Variants in GLIPR2 observed in about 807,000 individuals in gnomAD.
The protein encoded by GLIPR2 is Golgi-associated plant pathogenesis-related protein 1.
In GLIPR2, 21 loss-of-function variants were observed where a neutral mutation model predicts 20.4. The ratio of observed to expected loss-of-function variants is 1.03; its 90% CI spans 0.73 to 1.48. GLIPR2 has a LOEUF of 1.48. Ranked by LOEUF, GLIPR2 falls within the 40% of genes most tolerant of loss-of-function variation. The pLI is 0.00. For missense variants in GLIPR2, 205 were observed against 200.1 expected, an observed-to-expected ratio of 1.02 and a Z score of -0.15; for synonymous variants, 91 against 80.5, an observed-to-expected ratio of 1.13 and a Z score of -0.70.
chr9:36,163,255 C>A lies in GLIPR2; in HGVS notation c.*733C>A. 4.4e-6 allele frequency: 1 copy of A among 228,602 alleles called. No individual in the cohort carries two copies. The highest frequency in any genetic ancestry group is 1.5e-4 in the East Asian group (1 of 6,734). The allele number at this position is 228,602 out of a possible 1,614,324, so 14.2% of individuals were successfully genotyped here. ...TTCTTAAACTTCTGGCATTTCAGAG[C>A]TCAGCAGGCTACCCCTGGTTTCTGG... On this transcript the variant is annotated 3_prime_UTR_variant, in exon 5 of 5. Coordinates refer to ENST00000377960, the MANE Select transcript of GLIPR2 (RefSeq NM_022343.4).
At chr9:36,156,146 G>A (rs561319545) in intron 4 of GLIPR2, among the ~76,000 whole-genome samples, 2 of 152,204 alleles carry the variant, frequency 1.3e-5, no homozygotes, top group Admixed American at 6.5e-5. Flanking sequence ...GGAGGCGAAG[G>A]TTTCAGTAAG....
chr9:36,154,828 G>C (rs181933503), intron 4 of GLIPR2, among the ~76,000 whole-genome samples: 9 of 152,328 alleles, frequency 5.9e-5, no homozygotes, highest in African/African-American at 2.2e-4. Context: ...TGTGCACTTT[G>C]TGTCTAATTA....
chr9:36,155,352 T>C (rs1161539638), intron 4 of GLIPR2, among the ~76,000 whole-genome samples: 1 of 152,202 alleles, frequency 6.6e-6, no homozygotes, highest in African/African-American at 2.4e-5. Context: ...CCCAGCACTT[T>C]GGGAGGCCAA....
chr9:36,160,816 C>T (rs370662808), intron 4 of GLIPR2, among the ~76,000 whole-genome samples: 46 of 152,232 alleles, frequency 3.0e-4, no homozygotes, highest in Middle Eastern at 3.4e-3. Flanking sequence ...CCGAGGTGGG[C>T]AGAGCACCTG....
chr9:36,150,993 T>G (rs753633524), intron 4 of GLIPR2, 44 bp downstream of exon 4: 15 of 1,382,414 alleles, frequency 1.1e-5, no homozygotes, highest in Non-Finnish European at 1.4e-5. Context: ...TGGGCAGCAA[T>G]GCAGGTTGGG....
chr9:36,149,313 G>A (rs1825481015), intron 3 of GLIPR2, among the ~76,000 whole-genome samples: 1 of 152,182 alleles, frequency 6.6e-6, no homozygotes, highest in Non-Finnish European at 1.5e-5. Flanking sequence ...AACACCAGTG[G>A]GAGAATGACT....
chr9:36,156,444 TTTAC>T (rs1825838364), intron 4 of GLIPR2, among the ~76,000 whole-genome samples: 5 of 139,360 alleles, frequency 3.6e-5, no homozygotes, highest in Non-Finnish European at 6.3e-5. Flanking sequence ...TAACTGAAAA[TTTAC>T]CATTTTAACC....
intron 4 of GLIPR2, among the ~76,000 whole-genome samples, chr9:36,156,035 C>T (rs1475580472): frequency 6.6e-6 from 1 of 152,030 alleles, no homozygotes; most frequent in Non-Finnish European, 1.5e-5. Context: ...CATGGTGAAA[C>T]CTTATCTCTA....
chr9:36,146,967 G>C (rs563744449), intron 1 of GLIPR2, among the ~76,000 whole-genome samples: 5 of 152,108 alleles, frequency 3.3e-5, no homozygotes, highest in African/African-American at 4.8e-5. Context: ...GGGACTCTGC[G>C]GTGGCTCTGC....
chr9:36,142,806 G>T (rs1825146619), intron 1 of GLIPR2, among the ~76,000 whole-genome samples: 1 of 152,036 alleles, frequency 6.6e-6, no homozygotes, highest in African/African-American at 2.4e-5. Context: ...TTGCCTCCCT[G>T]GGGCAGGCCC....
chr9:36,163,236 A>ATGAT lies in GLIPR2; in HGVS notation c.*714_*715insTGAT. On this transcript the variant is annotated 3_prime_UTR_variant, in exon 5 of 5. Transcript: ENST00000377960. Reference sequence around the variant, plus strand: ...TCTTGCCCCCTTCCCTCTTTTCTTAAACTTCTGGCATTTCAGAGCTCAGCA... The same window carrying ATGAT: ...TCTTGCCCCCTTCCCTCTTTTCTTAATGATACTTCTGGCATTTCAGAGCTCAGCA... 4.5e-6 allele frequency: 1 copy of ATGAT among 221,710 alleles called. No homozygotes were observed. Among genetic ancestry groups the ATGAT allele is most frequent in the East Asian group, 1.6e-4 (1 of 6,394 alleles). The allele number at this position is 221,710 out of a possible 1,614,324, so 13.7% of individuals were successfully genotyped here. A position where few individuals can be genotyped will look rare whatever the true frequency, so the allele number is the denominator to read the frequency against.
At chr9:36,139,351 C>T (rs954438835) in intron 1 of GLIPR2, among the ~76,000 whole-genome samples, 5 of 152,048 alleles carry the variant, frequency 3.3e-5, no homozygotes, top group East Asian at 1.9e-4. Context: ...GAATTCTGAC[C>T]CAGGCCTTTC....
intron 1 of GLIPR2, among the ~76,000 whole-genome samples, chr9:36,139,928 A>G (rs1416505321): frequency 2.0e-5 from 3 of 152,180 alleles, no homozygotes; most frequent in Non-Finnish European, 4.4e-5. Flanking sequence ...TGGTGACACC[A>G]ATGATTAATC....
intron 1 of GLIPR2, among the ~76,000 whole-genome samples, chr9:36,142,082 CCTCAG>C (rs1360776693): frequency 6.6e-6 from 1 of 152,180 alleles, no homozygotes; most frequent in Non-Finnish European, 1.5e-5. Flanking sequence ...CCCTGGGGTC[CCTCAG>C]CCAGGTATGC....
intron 3 of GLIPR2, among the ~76,000 whole-genome samples, chr9:36,150,644 C>T (rs975941993): frequency 3.9e-5 from 6 of 152,174 alleles, no homozygotes; most frequent in Admixed American, 3.9e-4. Context: ...TGACCCCAGG[C>T]CAGTGCTCTT....
chr9:36,145,906 A>G (rs1181953710), intron 1 of GLIPR2, among the ~76,000 whole-genome samples: 1 of 152,086 alleles, frequency 6.6e-6, no homozygotes, highest in Non-Finnish European at 1.5e-5. Flanking sequence ...CTCCCTAACC[A>G]CAGCCTCCTT....
In GLIPR2 at chr9:36,162,419, C is replaced by A. The variant is rs987108810; in HGVS notation, c.362C>A (p.Ser121Tyr). ...NTKKMGVGKA[S>Y]ASDGSSFVVA... ...AAGAAGATGGGCGTGGGGAAGGCGTCCGCAAGTGACGGGTCCTCCTTTGTG... is the reference window on the plus strand; with the variant it reads ...AAGAAGATGGGCGTGGGGAAGGCGTACGCAAGTGACGGGTCCTCCTTTGTG... Residue 121 changes from serine to tyrosine, a missense_variant, in exon 5 of 5, where the codon TCC (serine) becomes TAC (tyrosine). Transcript: ENST00000377960. 2 of 1,613,988 alleles carry A rather than the reference C, an allele frequency of 1.2e-6. No individual in the cohort carries two copies. Among genetic ancestry groups the A allele is most frequent in the Non-Finnish European group, 1.7e-6 (2 of 1,179,998 alleles).
chr9:36,140,472 C>G (rs889910263), intron 1 of GLIPR2, among the ~76,000 whole-genome samples: 4 of 152,192 alleles, frequency 2.6e-5, no homozygotes, highest in Admixed American at 6.5e-5. Context: ...TGTCATCCTT[C>G]CTTCACACAC....
chr9:36,141,358 T>C (rs559547149), intron 1 of GLIPR2, among the ~76,000 whole-genome samples: 64 of 152,196 alleles, frequency 4.2e-4, no homozygotes, highest in African/African-American at 1.4e-3. Flanking sequence ...TTTTTTTTTT[T>C]CCTTAAACTG....
Sources: gnomAD v4.1 joint callset for allele counts (sites outside exome capture counted in the v4.1 genomes callset) on GRCh38, gnomAD v4.1.1 for gene constraint, MANE v1.5 for transcripts, NCBI Gene and HGNC (gene_info 2026-07-23, HGNC 2026-07-21) for gene names.